Variants in PDE1A observed in about 807,000 individuals in gnomAD.
PDE1A encodes the protein phosphodiesterase 1A.
PDE1A carries 35 observed loss-of-function variants against 61.7 expected under a neutral mutation model. The observed-to-expected ratio is 0.57, with a 90% CI of 0.43 to 0.75. The LOEUF is 0.75. Ranked by LOEUF, PDE1A falls within the 30% of genes least tolerant of loss-of-function variation. The probability of loss-of-function intolerance (pLI) is 0.00; values close to 1 mark genes in which losing one functional copy is unlikely to be tolerated. For synonymous variants in PDE1A, 232 were observed against 213.2 expected, an observed-to-expected ratio of 1.09 and a Z score of -0.77; for missense variants, 597 against 630.6, an observed-to-expected ratio of 0.95 and a Z score of 0.57.
chr2:182,387,441 GAGAA>G (rs1053263987), intron 1 of PDE1A, among the ~76,000 whole-genome samples: 16 of 151,870 alleles, frequency 1.1e-4, no homozygotes, highest in East Asian at 5.8e-4. Flanking sequence ...GAAAGAAAGA[GAGAA>G]AGAAAGAAAG....
At chr2:182,518,466 C>T (rs541708265) in intron 2 of PDE1A, among the ~76,000 whole-genome samples, 5 of 152,104 alleles carry the variant, frequency 3.3e-5, no homozygotes, top group African/African-American at 4.8e-5. Context: ...AAAAAGACAA[C>T]GAAGCTTAAC....
chr2:182,182,616 G>A (rs1453314010), intron 13 of PDE1A, among the ~76,000 whole-genome samples: 1 of 151,838 alleles, frequency 6.6e-6, no homozygotes, highest in African/African-American at 2.4e-5. Flanking sequence ...TTGGTTTCCT[G>A]TCTTTCTCGG....
upstream of PDE1A, among the ~76,000 whole-genome samples, chr2:182,527,823 G>A (rs1344296629): frequency 6.6e-6 from 1 of 151,998 alleles, no homozygotes; most frequent in Non-Finnish European, 1.5e-5. Flanking sequence ...TTGTTGTAGT[G>A]AATAAGTCTC....
the PDE1A span, among the ~76,000 whole-genome samples, chr2:182,598,964 T>C: frequency 6.7e-4 from 102 of 152,304 alleles, no homozygotes; most frequent in East Asian, 6.4e-3. Context: ...GCTGGAGTTC[T>C]CCAGACAGCA....
At chr2:182,646,453 G>C in the PDE1A span, among the ~76,000 whole-genome samples, 3 of 151,138 alleles carry the variant, frequency 2.0e-5, no homozygotes, top group South Asian at 6.3e-4. Context: ...ACTTTGGGAG[G>C]CCACGGCGGG....
intron 2 of PDE1A, among the ~76,000 whole-genome samples, chr2:182,453,699 C>T (rs1685687658): frequency 2.0e-5 from 3 of 152,096 alleles, no homozygotes; most frequent in Non-Finnish European, 4.4e-5. Context: ...CAGAAAAGGC[C>T]TTTGACAAAA....
the PDE1A span, among the ~76,000 whole-genome samples, chr2:182,630,331 A>G: frequency 1.3e-5 from 2 of 152,150 alleles, no homozygotes; most frequent in African/African-American, 4.8e-5. Context: ...GGATTAGCCA[A>G]TTGGGCTAAC....
the PDE1A span, among the ~76,000 whole-genome samples, chr2:182,577,325 T>A: frequency 6.6e-6 from 1 of 152,222 alleles, no homozygotes; most frequent in Non-Finnish European, 1.5e-5. Context: ...AAATTAAGAA[T>A]AATTAATTAG....
chr2:182,290,976 G>A (rs978666980), intron 1 of PDE1A, among the ~76,000 whole-genome samples: 5 of 152,150 alleles, frequency 3.3e-5, no homozygotes, highest in African/African-American at 1.2e-4. Flanking sequence ...TGGTTTTCAT[G>A]TGTTCTGACT....
chr2:182,268,540 G>A (rs981782283), intron 1 of PDE1A, among the ~76,000 whole-genome samples: 1 of 151,992 alleles, frequency 6.6e-6, no homozygotes. Flanking sequence ...TCTCTGAGGG[G>A]TGTATGACAT....
At chr2:182,573,538 G>A in the PDE1A span, among the ~76,000 whole-genome samples, 1 of 152,074 alleles carries the variant, frequency 6.6e-6, no homozygotes, top group Non-Finnish European at 1.5e-5. Context: ...AAAATGCAAT[G>A]CAGGAATCTT....
chr2:182,197,049 T>C (rs1359512317), intron 10 of PDE1A, among the ~76,000 whole-genome samples: 1 of 151,908 alleles, frequency 6.6e-6, no homozygotes, highest in Admixed American at 6.6e-5. Context: ...GTGATGTATG[T>C]ATGATACCTC....
Position 182,172,539 on chromosome 2 carries a change from C to G in PDE1A, c.1517-4249G>C, listed in dbSNP as rs1692324620. Among the ~76,000 whole-genome samples the G allele has an allele frequency of 2.0e-5, 3 of 151,994 alleles. No individual in the cohort carries two copies. The South Asian group carries it at 6.2e-4, about 31-fold the overall frequency. On this transcript the variant is annotated intron_variant, in intron 13 of 13. Transcript: ENST00000351439. ...GCAGAATGCCAGAACCTCGATAAGG[C>G]ATGTGTAGTTAAATGTCCTCTCCAC...
chr2:182,345,561 T>C (rs1698470229), intron 1 of PDE1A, among the ~76,000 whole-genome samples: 1 of 152,166 alleles, frequency 6.6e-6, no homozygotes, highest in Admixed American at 6.6e-5. Context: ...ATCCCAGTTA[T>C]TACAGACCTC....
intron 1 of PDE1A, among the ~76,000 whole-genome samples, chr2:182,338,801 T>C (rs1056681264): frequency 6.6e-6 from 1 of 152,108 alleles, no homozygotes; most frequent in African/African-American, 2.4e-5. Context: ...GGATTACAGG[T>C]GTGACCCGCT....
intron 2 of PDE1A, among the ~76,000 whole-genome samples, chr2:182,241,524 A>C (rs899764908): frequency 1.3e-5 from 2 of 152,194 alleles, no homozygotes; most frequent in Non-Finnish European, 2.9e-5. Context: ...GTCTCCACAA[A>C]GAACTCAATC....
chr2:182,279,268 G>A (rs571164126), intron 1 of PDE1A, among the ~76,000 whole-genome samples: 72 of 151,906 alleles, frequency 4.7e-4, no homozygotes, highest in Middle Eastern at 3.4e-3. Context: ...ATTCTTAGAC[G>A]AGCACAACCT....
intron 13 of PDE1A, among the ~76,000 whole-genome samples, chr2:182,183,781 A>C (rs1197216776): frequency 6.6e-6 from 1 of 152,114 alleles, no homozygotes; most frequent in African/African-American, 2.4e-5. Context: ...ACAATGAATG[A>C]AAATATAAAA....
At chr2:182,692,701 T>C in the PDE1A span, among the ~76,000 whole-genome samples, 1 of 148,418 alleles carries the variant, frequency 6.7e-6, no homozygotes, top group East Asian at 1.9e-4. Flanking sequence ...TATATATATG[T>C]AATATATATA....
Sources: allele counts gnomAD v4.1 joint callset (sites outside exome capture counted in the v4.1 genomes callset), GRCh38; gene constraint gnomAD v4.1.1; transcripts MANE v1.5; gene names NCBI Gene and HGNC (gene_info 2026-07-23, HGNC 2026-07-21).